SCN10A: variants seen among roughly 807,000 people sequenced by gnomAD.
SCN10A encodes sodium voltage-gated channel alpha subunit 10, also known as sodium channel protein type 10 subunit alpha.
Under a neutral mutation model 170.7 loss-of-function variants are expected in SCN10A, and 162 were observed. The observed-to-expected ratio is 0.95, with a 90% CI of 0.84 to 1.08. The LOEUF is 1.08. SCN10A is among the 50% of genes least tolerant of loss of function. The pLI, the probability that SCN10A is intolerant of heterozygous loss-of-function variation, is 0.00. For missense variants in SCN10A, 2,527 were observed against 2,436.9 expected, an observed-to-expected ratio of 1.04 and a Z score of -0.78; for synonymous variants, 985 against 904.6, an observed-to-expected ratio of 1.09 and a Z score of -1.59.
chr3:38,714,742 T>C (rs1271071542), intron 21 of SCN10A, among the ~76,000 whole-genome samples: 1 of 152,326 alleles, frequency 6.6e-6, no homozygotes, highest in Non-Finnish European at 1.5e-5. Flanking sequence ...ATATCTGAGA[T>C]ATAATGACTG....
At chr3:38,760,464 T>C (rs1338127111) in intron 8 of SCN10A, among the ~76,000 whole-genome samples, 3 of 152,252 alleles carry the variant, frequency 2.0e-5, no homozygotes, top group Non-Finnish European at 1.5e-5. Context: ...AAATACATTG[T>C]TGTTTTAATT....
At chr3:38,705,009 CGGCTTGTGCCACTG>C (rs545792078) in intron 26 of SCN10A, among the ~76,000 whole-genome samples, 8 of 152,204 alleles carry the variant, frequency 5.3e-5, no homozygotes, top group Non-Finnish European at 8.8e-5. Flanking sequence ...GAAGATGATC[CGGCTTGTGCCACTG>C]GGCATGTGGG....
rs2064320371 is a variant in SCN10A at position 38,793,990 on chromosome 3, G to A, written c.21C>T (p.Ser7=). The change falls in exon 2 of 28, where the codon TCC becomes TCT. Residue 7 remains serine, a synonymous_variant. Coordinates refer to ENST00000449082, the MANE Select transcript of SCN10A (RefSeq NM_006514.4). Reference sequence around the variant, plus strand: ...AGCGACGGAAGTTGTTAGTTTCGAGGGATCCAATGGGGAATTCCATCTTCT... The same window carrying A: ...AGCGACGGAAGTTGTTAGTTTCGAGAGATCCAATGGGGAATTCCATCTTCT... MEFPIG[S]LETNNFRRFT... The A allele has an allele frequency of 3.7e-6, 6 of 1,613,806 alleles. No homozygotes were observed. Among genetic ancestry groups the A allele is most frequent in the Non-Finnish European group, 4.2e-6 (5 of 1,179,796 alleles).
chr3:38,793,998 T>C lies in SCN10A; in HGVS notation c.13A>G (p.Ile5Val). The stretch of plus-strand genomic sequence containing the variant: ...AAGTTGTTAGTTTCGAGGGATCCAA[T>C]GGGGAATTCCATCTTCTCATTCTTC... Reference protein sequence around the residue: MEFPIGSLETNNFRR... With the variant: MEFPVGSLETNNFRR... Residue 5 changes from isoleucine (I) to valine (V), a missense_variant, in exon 2 of 28, where the codon ATT (isoleucine) becomes GTT (valine). Transcript: ENST00000449082. 1 of 1,613,784 alleles carries C rather than the reference T, an allele frequency of 6.2e-7. No homozygotes were observed.
At chr3:38,721,489 G>A (rs1327773674) in intron 20 of SCN10A, among the ~76,000 whole-genome samples, 4 of 152,198 alleles carry the variant, frequency 2.6e-5, no homozygotes, top group South Asian at 4.1e-4. Flanking sequence ...AGTTGAGATT[G>A]TGTAAGGAGC....
chr3:38,704,322 A>T (rs1352343654), intron 26 of SCN10A, among the ~76,000 whole-genome samples: 1 of 152,190 alleles, frequency 6.6e-6, no homozygotes, highest in Non-Finnish European at 1.5e-5. Flanking sequence ...TGAGCCACTA[A>T]TCCCTTCCAT....
At chr3:38,764,923 C>T (rs1017651246) in intron 5 of SCN10A, among the ~76,000 whole-genome samples, 1 of 152,130 alleles carries the variant, frequency 6.6e-6, no homozygotes, top group Non-Finnish European at 1.5e-5. Flanking sequence ...GGTGGTATCT[C>T]ATTGTGGTTT....
At chr3:38,736,962 C>CTTTTTTTTTTTTTTTT (rs2063567359) in intron 15 of SCN10A, among the ~76,000 whole-genome samples, 8 of 69,254 alleles carry the variant, frequency 1.2e-4, no homozygotes, top group South Asian at 4.6e-4. Flanking sequence ...CAGAAATGTT[C>CTTTTTTTTTTTTTTTT]GTTTTTTTTT....
In SCN10A at chr3:38,756,665, C is replaced by A. The variant is rs2063808808; in HGVS notation, c.1290+9G>T. 1 of 1,611,150 alleles carries A rather than the reference C, an allele frequency of 6.2e-7. No homozygotes were observed. Among genetic ancestry groups the A allele is most frequent in the African/African-American group, 1.3e-5 (1 of 74,888 alleles). On this transcript the variant is annotated intron_variant, in intron 10 of 27. Transcript: ENST00000449082. ...AACCTTCTTCACAAAGCTTCCACTC[C>A]TCACAAACCTCCTGCTCCTTCCGGA...
chr3:38,725,466 G>T, intron 17 of SCN10A, 152 bp from the exon 18 acceptor site: 1 of 563,878 alleles, frequency 1.8e-6, no homozygotes, highest in Non-Finnish European at 2.9e-6. Flanking sequence ...CGTGTGTGAA[G>T]TGAGCATGAA....
chr3:38,761,182 C>T lies in SCN10A; in HGVS notation c.883+10G>A, dbSNP rs758638925. ...CAGACCTTGGTCCCTATGGAAGAGA[C>T]TCCACTCACGTTTTCTGTGAGATGA... On this transcript the variant is annotated intron_variant, in intron 7 of 27. Transcript: ENST00000449082. 5 of 1,594,170 alleles carry T rather than the reference C, an allele frequency of 3.1e-6. No individual in the cohort carries two copies. Among genetic ancestry groups the T allele is most frequent in the South Asian group, 1.1e-5 (1 of 87,992 alleles).
Position 38,698,698 on chromosome 3 carries a change from G to C in SCN10A, c.4658-136C>G, listed in dbSNP as rs1158277425. The C allele has an allele frequency of 1.7e-5, 13 of 767,868 alleles. No individual in the cohort carries two copies. In the Admixed American group the frequency reaches 3.1e-4, roughly 19 times the overall value. The allele number at this position is 767,868 out of a possible 1,614,324, so 47.6% of individuals were successfully genotyped here. On this transcript the variant is annotated intron_variant, in intron 27 of 27. Coordinates refer to ENST00000449082, the MANE Select transcript of SCN10A (RefSeq NM_006514.4). ...CACATTTGAGGACTCTGGGCCCTCA[G>C]AGCCTGGCATGGTAGGTAGCACAAA...
Position 38,757,018 on chromosome 3 carries a change from C to A in SCN10A, c.1092G>T (p.Gln364His). The A allele has an allele frequency of 6.2e-7, 1 of 1,609,052 alleles. No individual in the cohort carries two copies. Among genetic ancestry groups the A allele is most frequent in the Non-Finnish European group, 8.5e-7 (1 of 1,177,658 alleles). The change falls in exon 9 of 28, where the codon CAG becomes CAT. Residue 364 changes from glutamine to histidine, a missense_variant and splice_region_variant. Physicochemically the swap from Gln to His is conservative, Grantham distance 24. Coordinates refer to ENST00000449082, the MANE Select transcript of SCN10A (RefSeq NM_006514.4). ...TQDSWERLYQQTLRTSGKIYM... is the reference protein window; with the variant it reads ...TQDSWERLYQHTLRTSGKIYM... ...TGCGTGGGGGAATGCAGCTCAGTAC[C>A]TGCTGGTAGAGGCGTTCCCAGGAAT...
chr3:38,699,891 G>A (rs2063138924), intron 27 of SCN10A, among the ~76,000 whole-genome samples: 1 of 152,154 alleles, frequency 6.6e-6, no homozygotes, highest in African/African-American at 2.4e-5. Context: ...AGATTGATAT[G>A]TGGGTTTTTT....
chr3:38,792,106 C>T lies in SCN10A; in HGVS notation c.333G>A (p.Trp111Ter). The stretch of plus-strand genomic sequence containing the variant: ...TGATCAGGTTGAAAGGACTGAATAG[C>T]CACAGGGCCCGAGTGGCACTAAACC... Reference protein sequence around the residue: ...ISRFSATRALWLFSPFNLIRR... With the variant: ...ISRFSATRAL Residue 111 changes from tryptophan to a stop codon, truncating the protein, a stop_gained, in exon 3 of 28, where the codon TGG becomes TGA. Coordinates refer to ENST00000449082, the MANE Select transcript of SCN10A (RefSeq NM_006514.4). LOFTEE classifies it high-confidence loss of function. The T allele has an allele frequency of 6.2e-7, 1 of 1,613,860 alleles. No individual in the cohort carries two copies. Among genetic ancestry groups the T allele is most frequent in the Non-Finnish European group, 8.5e-7 (1 of 1,179,840 alleles).
At chr3:38,811,214 A>G (rs576222293) in intron 1 of SCN10A, among the ~76,000 whole-genome samples, 129 of 152,330 alleles carry the variant, frequency 8.5e-4, no homozygotes, top group Admixed American at 1.8e-3. Flanking sequence ...GCACTTTGGG[A>G]GGCCAAGGCA....
chr3:38,710,859 A>G lies in SCN10A; in HGVS notation c.4128T>C (p.Ala1376=), dbSNP rs1060504317. 3.1e-6 allele frequency: 5 copies of G among 1,613,710 alleles called. No homozygotes were observed. The highest frequency in any genetic ancestry group is 4.2e-6 in the Non-Finnish European group (5 of 1,179,878). Residue 1376 remains alanine (A), a synonymous_variant, in exon 24 of 28, where the codon GCT becomes GCC. Transcript: ENST00000449082. ...FKGWMDIMYA[A]VDSREVNMQP... is the part of the protein sequence containing the mutation. ...TGAGACTCACCTCCCGGGAATCAAC[A>G]GCTGCATACATAATGTCCATCCAGC...
At chr3:38,802,506 C>G (rs961381517) in intron 1 of SCN10A, among the ~76,000 whole-genome samples, 6 of 152,156 alleles carry the variant, frequency 3.9e-5, no homozygotes, top group African/African-American at 1.4e-4. Flanking sequence ...ATTCTAGTAA[C>G]TTAGGTCCCA....
chr3:38,806,082 A>G (rs2064402981), intron 1 of SCN10A, among the ~76,000 whole-genome samples: 1 of 152,120 alleles, frequency 6.6e-6, no homozygotes, highest in Non-Finnish European at 1.5e-5. Flanking sequence ...TGAATGATTG[A>G]TCTGTTTGTA....
Sources: gnomAD v4.1 joint callset for allele counts (sites outside exome capture counted in the v4.1 genomes callset) on GRCh38, gnomAD v4.1.1 for gene constraint, MANE v1.5 for transcripts, NCBI Gene and HGNC (gene_info 2026-07-23, HGNC 2026-07-21) for gene names.